The following M1AP variants were observed in gnomAD, a reference collection of about 807,000 sequenced individuals.
The protein encoded by M1AP is meiosis 1 arrest protein.
A neutral mutation model predicts 51.2 loss-of-function variants in M1AP; 39 were observed. The ratio of observed to expected loss-of-function variants is 0.76; its 90% confidence interval spans 0.59 to 1.00. The LOEUF (loss-of-function observed/expected upper bound fraction) is 1.00, where lower values mean the gene tolerates loss of function less well. Ranked by LOEUF, M1AP falls within the 50% of genes least tolerant of loss-of-function variation. M1AP has a pLI of 0.00. For synonymous variants in M1AP, 251 were observed against 249.2 expected (o/e 1.01, Z -0.07); for missense variants, 545 against 641.2 (o/e 0.85, Z 1.62).
intron 3 of M1AP, 85 bp from the exon 4 acceptor site, chr2:74,607,308 T>A (rs540144599): frequency 3.6e-6 from 5 of 1,373,250 alleles, no homozygotes; most frequent in Non-Finnish European, 5.1e-6. Flanking sequence ...GGAGGATAAA[T>A]ACAGCATAAG....
At chr2:74,576,758 G>A (rs1679100266) in intron 5 of M1AP, 140 bp from the exon 6 acceptor site, 2 of 1,216,480 alleles carry the variant, frequency 1.6e-6, no homozygotes, top group Non-Finnish European at 2.2e-6. Context: ...GGGATAGGAG[G>A]AGGCAGGAGA....
chr2:74,648,231 C>A (rs1683719581), intron 1 of M1AP, 34 bp downstream of exon 1: 3 of 973,122 alleles, frequency 3.1e-6, no homozygotes, highest in Middle Eastern at 5.3e-4. Context: ...TGCTCTCGGG[C>A]TGCCCTCCCT....
chr2:74,623,944 T>C (rs1376545363), intron 2 of M1AP, among the ~76,000 whole-genome samples: 2 of 152,218 alleles, frequency 1.3e-5, no homozygotes, highest in Non-Finnish European at 2.9e-5. Context: ...GTGTTGGGAT[T>C]ATAGGCGTGA....
chr2:74,608,053 T>C (rs535392201), intron 3 of M1AP, among the ~76,000 whole-genome samples: 1 of 152,174 alleles, frequency 6.6e-6, no homozygotes, highest in African/African-American at 2.4e-5. Context: ...ACCAAAGTCA[T>C]TGCAATTGAT....
At chr2:74,598,633 T>G in intron 4 of M1AP, among the ~76,000 whole-genome samples, 1 of 147,924 alleles carries the variant, frequency 6.8e-6, no homozygotes, top group East Asian at 2.0e-4. Context: ...TTTTTTTTTT[T>G]TTTTTTTTTG....
At chr2:74,646,522 T>C (rs940126769) in intron 1 of M1AP, among the ~76,000 whole-genome samples, 8 of 152,180 alleles carry the variant, frequency 5.3e-5, no homozygotes, top group African/African-American at 1.7e-4. Flanking sequence ...GCTTCATTAT[T>C]AAAGAAACTT....
Position 74,567,860 on chromosome 2 carries a change from C to G in M1AP, c.1075-5437G>C, listed in dbSNP as rs182634782. Among the ~76,000 whole-genome samples, 93 of 152,300 alleles carry G rather than the reference C, an allele frequency of 6.1e-4. 1 individual carries two copies. The highest frequency in any genetic ancestry group is 9.7e-4 in the Non-Finnish European group (66 of 68,038). ...AAAGACTGGGAAAAGTCTTGCCTAT[C>G]TGATGAAGTGATCATTTTCTGAGGA... On this transcript the variant is annotated intron_variant, in intron 7 of 10. Coordinates refer to ENST00000421985, the MANE Select transcript of M1AP (RefSeq NM_001321739.2).
At chr2:74,572,338 C>G (rs576979405) in intron 7 of M1AP, among the ~76,000 whole-genome samples, 126 of 152,180 alleles carry the variant, frequency 8.3e-4, no homozygotes, top group African/African-American at 2.9e-3. Flanking sequence ...TCTTTCCCAC[C>G]CCCCCTAAGC....
In M1AP at chr2:74,575,462, G is replaced by T; in HGVS notation, c.1050C>A (p.Phe350Leu). 6.2e-7 allele frequency: 1 copy of T among 1,614,148 alleles called. No individual in the cohort carries two copies. Among genetic ancestry groups the T allele is most frequent in the Non-Finnish European group, 8.5e-7 (1 of 1,180,022 alleles). The change falls in exon 7 of 11, where the codon TTC becomes TTA. Residue 350 changes from phenylalanine to leucine, a missense_variant. Coordinates refer to ENST00000421985, the MANE Select transcript of M1AP (RefSeq NM_001321739.2). ...WDELETNQQH[F>L]HALCHSLLKR... The stretch of plus-strand genomic sequence containing the variant: ...CCAGCAGGCTGTGACACAAAGCATG[G>T]AAATGTTGCTGATTTGTCTCCAGCT...
rs116752293 is a variant in M1AP at position 74,574,000 on chromosome 2, C to T, written c.1074+1438G>A. The stretch of plus-strand genomic sequence containing the variant: ...AGCTGTTGGGCACTAACAGTTACAA[C>T]GGCTCCGTTGTCTCTGCTCTGCAAA... On this transcript the variant is annotated intron_variant, in intron 7 of 10. Transcript: ENST00000421985. Among the ~76,000 whole-genome samples the T allele has an allele frequency of 4.9e-3, 752 of 152,286 alleles. 4 individuals are homozygous for T. Among genetic ancestry groups the T allele is most frequent in the Middle Eastern group, 0.014 (4 of 294 alleles).
chr2:74,577,683 G>A (rs551889688), intron 5 of M1AP, among the ~76,000 whole-genome samples: 1 of 152,292 alleles, frequency 6.6e-6, no homozygotes, highest in South Asian at 2.1e-4. Context: ...ATTCATTCTG[G>A]GTGAGACGGC....
intron 4 of M1AP, among the ~76,000 whole-genome samples, chr2:74,596,571 G>C (rs1680353806): frequency 6.6e-6 from 1 of 151,610 alleles, no homozygotes; most frequent in Non-Finnish European, 1.5e-5. Flanking sequence ...AAAAGAGCGA[G>C]ACTCCATCTC....
rs114861063 is a variant in M1AP at position 74,647,415 on chromosome 2, G to A, written c.-53+850C>T. The A allele has an allele frequency of 1.0e-3, 988 of 985,154 alleles. 8 individuals carry two copies. The African/African-American group carries it at 0.016, about 16-fold the overall frequency. The allele number at this position is 985,154 out of a possible 1,614,324, so 61.0% of individuals were successfully genotyped here. A position where few individuals can be genotyped will look rare whatever the true frequency, so the allele number is the denominator to read the frequency against. On this transcript the variant is annotated intron_variant, in intron 1 of 10. Coordinates refer to ENST00000421985, the MANE Select transcript of M1AP (RefSeq NM_001321739.2). ...ATTCAATGGTTCTCCCTCTGGCAGG[G>A]CCCTATTAAAGATTTCGTGGGCCCT... is the stretch of plus-strand genomic sequence containing the variant.
chr2:74,622,539 C>T (rs895150526), intron 2 of M1AP, among the ~76,000 whole-genome samples: 1 of 140,960 alleles, frequency 7.1e-6, no homozygotes, highest in African/African-American at 2.8e-5. Flanking sequence ...CCGGCCATTG[C>T]CTGCTTTTTT....
intron 7 of M1AP, among the ~76,000 whole-genome samples, chr2:74,573,579 C>T (rs919896040): frequency 2.0e-5 from 3 of 152,084 alleles, no homozygotes; most frequent in African/African-American, 7.2e-5. Flanking sequence ...TCTTGAACTC[C>T]TGGCCTCAAG....
At position 74,565,825 on chromosome 2, in the gene M1AP, T is replaced by TCACACACACACACACA. The variant is rs72206117; in HGVS notation, c.1075-3418_1075-3403dup. Reference sequence around the variant, plus strand: ...GCCTGGGCAACAGAGTGAGATGCCGTCACACACACACACACACACACACAC... The same window carrying TCACACACACACACACA: ...GCCTGGGCAACAGAGTGAGATGCCGTCACACACACACACACACACACACACACACACACACACACAC... On this transcript the variant is annotated intron_variant, in intron 7 of 10. Coordinates refer to ENST00000421985, the MANE Select transcript of M1AP (RefSeq NM_001321739.2). 8.7e-5 allele frequency among the ~76,000 whole-genome samples: 12 copies of TCACACACACACACACA among 138,096 alleles called. No homozygotes were observed. In the East Asian group the frequency reaches 1.6e-3, roughly 18 times the overall value. The allele number at this position is 138,096 out of a possible 152,430, so 90.6% of individuals were successfully genotyped here.
chr2:74,585,776 A>C (rs1198961557), intron 4 of M1AP, among the ~76,000 whole-genome samples: 3 of 152,184 alleles, frequency 2.0e-5, no homozygotes, highest in Non-Finnish European at 4.4e-5. Context: ...TTAGAGGCTA[A>C]ACTTTTTTTC....
intron 2 of M1AP, among the ~76,000 whole-genome samples, chr2:74,627,423 A>G (rs913552612): frequency 3.9e-5 from 6 of 152,198 alleles, no homozygotes; most frequent in Non-Finnish European, 7.4e-5. Context: ...GGATAATCAA[A>G]TAATCCGCAA....
chr2:74,561,999 T>A (rs931040235), intron 8 of M1AP: 2 of 985,260 alleles, frequency 2.0e-6, no homozygotes, highest in Non-Finnish European at 2.4e-6. Context: ...AAACCTCATT[T>A]CCCTCCATTC....
Sources: gnomAD v4.1 joint callset for allele counts (sites outside exome capture counted in the v4.1 genomes callset) on GRCh38, gnomAD v4.1.1 for gene constraint, MANE v1.5 for transcripts, NCBI Gene and HGNC (gene_info 2026-07-23, HGNC 2026-07-21) for gene names.